The following ANO4 variants were observed in gnomAD, a reference collection of about 807,000 sequenced individuals.
ANO4 encodes anoctamin 4, also known as anoctamin-4.
In ANO4, 69 loss-of-function variants were observed where a neutral mutation model predicts 141.9. The ratio of observed to expected loss-of-function variants is 0.49; its 90% CI spans 0.40 to 0.59. The LOEUF is 0.59. Among genes scored for constraint, ANO4 ranks in the 20% least tolerant of loss-of-function variants. The pLI, the probability that ANO4 is intolerant of heterozygous loss-of-function variation, is 0.00. For missense variants in ANO4, 894 were observed against 1,162.2 expected, an observed-to-expected ratio of 0.77 and a Z score of 3.36; for synonymous variants, 350 against 394.3, an observed-to-expected ratio of 0.89 and a Z score of 1.33.
intron 1 of ANO4, among the ~76,000 whole-genome samples, chr12:100,882,718 A>C (rs2039629096): frequency 6.6e-6 from 1 of 151,726 alleles, no homozygotes; most frequent in African/African-American, 2.4e-5. Context: ...TTTGTTTTTG[A>C]GACAGAGTCT....
At chr12:100,807,946 T>C (rs560286069) in intron 1 of ANO4, among the ~76,000 whole-genome samples, 116 of 152,350 alleles carry the variant, frequency 7.6e-4, no homozygotes, top group African/African-American at 2.7e-3. Flanking sequence ...GTACCACATC[T>C]TCTTTAGCCA....
chr12:100,942,465 A>G lies in ANO4; in HGVS notation c.386A>G (p.Asn129Ser). ...IDYILVYRKSNPQTEKREVFE... is the reference protein window; with the variant it reads ...IDYILVYRKSSPQTEKREVFE... ...TACATCCTTGTGTACAGAAAATCCA[A>G]CCCCCAGACTGAAAAGAGAGAAGTA... Residue 129 changes from asparagine (N) to serine (S), a missense_variant, in exon 5 of 28, where the codon AAC becomes AGC. Physicochemically the swap from Asn to Ser is conservative, Grantham distance 46. Around this residue, in one of 2 missense-constraint regions of ANO4, gnomAD observed 257 missense variants for 253.0 expected, o/e 1.02. Transcript: ENST00000392977. The G allele has an allele frequency of 2.5e-6, 4 of 1,614,092 alleles. No homozygotes were observed. Among genetic ancestry groups the G allele is most frequent in the Non-Finnish European group, 3.4e-6 (4 of 1,180,000 alleles).
chr12:100,933,991 T>A (rs1188277230), intron 3 of ANO4, among the ~76,000 whole-genome samples: 2 of 152,156 alleles, frequency 1.3e-5, no homozygotes, highest in African/African-American at 2.4e-5. Flanking sequence ...TAGATTCTGG[T>A]TATTAGCCCT....
chr12:101,023,664 C>A (rs2046622908), intron 9 of ANO4, among the ~76,000 whole-genome samples: 1 of 152,046 alleles, frequency 6.6e-6, no homozygotes, highest in Non-Finnish European at 1.5e-5. Context: ...AGGAGTCTGT[C>A]ACAACAAAGA....
At chr12:101,015,001 T>G (rs535810324) in intron 8 of ANO4, among the ~76,000 whole-genome samples, 75 of 151,568 alleles carry the variant, frequency 4.9e-4, no homozygotes, top group African/African-American at 1.7e-3. Context: ...AGCTAATTTT[T>G]TTTTTTGTAG....
intron 25 of ANO4, 85 bp from the exon 26 acceptor site, chr12:101,120,435 A>G: frequency 1.7e-6 from 2 of 1,164,476 alleles, no homozygotes; most frequent in Admixed American, 2.0e-5. Context: ...CTCCTATTGA[A>G]TGAGGACTAT....
intron 3 of ANO4, among the ~76,000 whole-genome samples, chr12:100,924,940 G>A (rs2041800835): frequency 6.6e-6 from 1 of 152,046 alleles, no homozygotes; most frequent in Non-Finnish European, 1.5e-5. Flanking sequence ...TAGTTTAGAA[G>A]GGTGATCTTT....
intron 1 of ANO4, among the ~76,000 whole-genome samples, chr12:100,844,465 C>T (rs1593495970): frequency 6.6e-6 from 1 of 152,022 alleles, no homozygotes; most frequent in Non-Finnish European, 1.5e-5. Context: ...AGTTAAGAGT[C>T]TGGTCCAGGA....
chr12:100,869,522 T>A (rs986604789), intron 1 of ANO4, among the ~76,000 whole-genome samples: 6 of 152,164 alleles, frequency 3.9e-5, no homozygotes, highest in Admixed American at 3.9e-4. Flanking sequence ...ATGATCGCAA[T>A]CCAGTTATCA....
At chr12:100,835,105 T>C (rs2036838420) in intron 1 of ANO4, among the ~76,000 whole-genome samples, 2 of 152,124 alleles carry the variant, frequency 1.3e-5, no homozygotes, top group African/African-American at 4.8e-5. Flanking sequence ...AGGACGTACT[T>C]CAGTACATTG....
chr12:100,817,792 T>A (rs976670041), intron 1 of ANO4, among the ~76,000 whole-genome samples: 1 of 151,974 alleles, frequency 6.6e-6, no homozygotes, highest in African/African-American at 2.4e-5. Flanking sequence ...ATATGATACA[T>A]GCATTTCTTG....
At chr12:100,956,548 C>T (rs1201498997) in intron 5 of ANO4, among the ~76,000 whole-genome samples, 2 of 152,182 alleles carry the variant, frequency 1.3e-5, no homozygotes, top group Admixed American at 1.3e-4. Flanking sequence ...GGACTCTCTT[C>T]CTCCTCAGTC....
chr12:100,956,165 C>G (rs2043166923), intron 5 of ANO4, among the ~76,000 whole-genome samples: 1 of 152,192 alleles, frequency 6.6e-6, no homozygotes, highest in Non-Finnish European at 1.5e-5. Context: ...CCAAATCCAT[C>G]ACACTGTACT....
At chr12:100,797,392 A>G (rs1439466029) in intron 1 of ANO4, among the ~76,000 whole-genome samples, 1 of 151,644 alleles carries the variant, frequency 6.6e-6, no homozygotes, top group African/African-American at 2.4e-5. Flanking sequence ...CTTGTCTCAC[A>G]GCATGGTGTC....
intron 14 of ANO4, among the ~76,000 whole-genome samples, chr12:101,072,045 ATTAG>A (rs1217988243): frequency 6.6e-6 from 1 of 152,104 alleles, no homozygotes; most frequent in Non-Finnish European, 1.5e-5. Context: ...AAAACCCTAT[ATTAG>A]TTAGGATGAG....
At chr12:100,912,564 T>C (rs7969572) in intron 2 of ANO4, among the ~76,000 whole-genome samples, 33,807 of 151,860 alleles carry the variant, frequency 0.22, 4,563 homozygotes, top group South Asian at 0.41. Flanking sequence ...AAACTTATTA[T>C]GGGTGTTTTT....
At chr12:101,017,629 C>G (rs536000799) in intron 8 of ANO4, among the ~76,000 whole-genome samples, 1 of 152,158 alleles carries the variant, frequency 6.6e-6, no homozygotes, top group Non-Finnish European at 1.5e-5. Flanking sequence ...CAGAGGCAAG[C>G]GAGCAAACAG....
chr12:101,089,462 C>A (rs942977473), intron 17 of ANO4, among the ~76,000 whole-genome samples: 1 of 151,948 alleles, frequency 6.6e-6, no homozygotes, highest in Admixed American at 6.6e-5. Context: ...GTACCTCCCC[C>A]TTTTGACCCC....
intron 1 of ANO4, among the ~76,000 whole-genome samples, chr12:100,819,648 T>A (rs1451984663): frequency 6.6e-6 from 1 of 152,044 alleles, no homozygotes; most frequent in Non-Finnish European, 1.5e-5. Context: ...CTCTATACTT[T>A]TTTATGAAAT....
Sources: allele counts gnomAD v4.1 joint callset (sites outside exome capture counted in the v4.1 genomes callset), GRCh38; gene constraint gnomAD v4.1.1; regional missense constraint gnomAD v4.1.1; transcripts MANE v1.5; gene names NCBI Gene and HGNC (gene_info 2026-07-23, HGNC 2026-07-21).